PRKCA: variants seen among roughly 807,000 people sequenced by gnomAD.
PRKCA encodes the protein protein kinase C alpha, also known as protein kinase C alpha type.
A neutral mutation model predicts 87.0 loss-of-function variants in PRKCA; 27 were observed. The ratio of observed to expected loss-of-function variants is 0.31; its 90% CI spans 0.23 to 0.43. PRKCA has a LOEUF of 0.43. Ranked by LOEUF, PRKCA falls within the 20% of genes least tolerant of loss-of-function variation. The pLI is 1.00. For synonymous variants in PRKCA, 329 were observed against 311.1 expected, an observed-to-expected ratio of 1.06 and a Z score of -0.61; for missense variants, 518 against 852.3, an observed-to-expected ratio of 0.61 and a Z score of 4.88.
chr17:66,642,292 G>A (rs1211373507), intron 4 of PRKCA, among the ~76,000 whole-genome samples: 1 of 151,962 alleles, frequency 6.6e-6, no homozygotes, highest in Non-Finnish European at 1.5e-5. Context: ...ACCACACCCA[G>A]CTAATTTTTT....
At chr17:66,802,524 C>CAAA (rs923944049) in intron 16 of PRKCA, among the ~76,000 whole-genome samples, 1 of 132,700 alleles carries the variant, frequency 7.5e-6, no homozygotes, top group Non-Finnish European at 1.6e-5. Flanking sequence ...GACTCCATCT[C>CAAA]AAAAAAAAAA....
At chr17:66,341,034 C>CA (rs1354994973) in intron 2 of PRKCA, among the ~76,000 whole-genome samples, 2 of 152,146 alleles carry the variant, frequency 1.3e-5, no homozygotes, top group Non-Finnish European at 2.9e-5. Flanking sequence ...TCTGAAAAAT[C>CA]ACTTGCATGG....
chr17:66,653,838 A>G lies in PRKCA; in HGVS notation c.529+8327A>G, dbSNP rs539724481. ...AACCAACAAGCTTTATGATGCTCAC[A>G]TATGAGAAACTACTTCCTTTAGTTT... On this transcript the variant is annotated intron_variant, in intron 5 of 16. Coordinates refer to ENST00000413366, the MANE Select transcript of PRKCA (RefSeq NM_002737.3). Among the ~76,000 whole-genome samples, 4 of 151,106 alleles carry G rather than the reference A, an allele frequency of 2.6e-5. No homozygotes were observed. The East Asian group carries it at 5.8e-4, about 22-fold the overall frequency.
At chr17:66,430,286 G>A (rs1913035201) in intron 2 of PRKCA, among the ~76,000 whole-genome samples, 1 of 151,962 alleles carries the variant, frequency 6.6e-6, no homozygotes, top group African/African-American at 2.4e-5. Context: ...GGGGCAGAGT[G>A]TGGTGCCCAT....
intron 2 of PRKCA, among the ~76,000 whole-genome samples, chr17:66,384,825 TTTCAC>T (rs1909967717): frequency 6.6e-6 from 1 of 151,966 alleles, no homozygotes; most frequent in South Asian, 2.1e-4. Context: ...AGAGACGGGG[TTTCAC>T]TGTGTTAGCC....
At chr17:66,322,924 G>T (rs1179725333) in intron 2 of PRKCA, among the ~76,000 whole-genome samples, 2 of 152,174 alleles carry the variant, frequency 1.3e-5, no homozygotes, top group Non-Finnish European at 2.9e-5. Context: ...CCAAGGCTAA[G>T]TAGTAAAACT....
At position 66,559,974 on chromosome 17, in the gene PRKCA, C is replaced by T. The variant is rs975208983; in HGVS notation, c.288+63691C>T. Among the ~76,000 whole-genome samples, 21 of 152,314 alleles carry T rather than the reference C, an allele frequency of 1.4e-4. 1 individual carries two copies. In the South Asian group the frequency reaches 1.9e-3, roughly 14 times the overall value. ...TAAGCACTGAGCTGTGATCTGGCCC[C>T]AGGAGCCTGGAGCACATTGGTAGGT... On this transcript the variant is annotated intron_variant, in intron 3 of 16. Coordinates refer to ENST00000413366, the MANE Select transcript of PRKCA (RefSeq NM_002737.3).
chr17:66,441,690 G>GT (rs1461501941), intron 2 of PRKCA, among the ~76,000 whole-genome samples: 6 of 152,086 alleles, frequency 3.9e-5, no homozygotes, highest in Non-Finnish European at 5.9e-5. Flanking sequence ...CTGCTGTGCG[G>GT]TTTTTTCAAC....
chr17:66,724,835 A>G (rs904701020), intron 8 of PRKCA, among the ~76,000 whole-genome samples: 7 of 152,234 alleles, frequency 4.6e-5, no homozygotes, highest in Non-Finnish European at 8.8e-5. Flanking sequence ...AATTATAGTC[A>G]TGACAACTAG....
At chr17:66,727,812 A>C (rs973572661) in intron 8 of PRKCA, among the ~76,000 whole-genome samples, 1 of 152,102 alleles carries the variant, frequency 6.6e-6, no homozygotes, top group Non-Finnish European at 1.5e-5. Context: ...GGTGCTGGCC[A>C]AAGGTCTGGA....
chr17:66,715,071 C>G (rs922496242), intron 8 of PRKCA, among the ~76,000 whole-genome samples: 1 of 151,662 alleles, frequency 6.6e-6, no homozygotes, highest in Non-Finnish European at 1.5e-5. Context: ...AAAAATTTTC[C>G]GTTGAGTAGT....
chr17:66,638,094 T>G (rs1971191105), intron 3 of PRKCA, among the ~76,000 whole-genome samples: 1 of 151,260 alleles, frequency 6.6e-6, no homozygotes, highest in Admixed American at 6.6e-5. Context: ...AAATAGGTGG[T>G]GGACTTGTTT....
intron 8 of PRKCA, among the ~76,000 whole-genome samples, chr17:66,729,081 C>T (rs1465326500): frequency 6.6e-6 from 1 of 152,186 alleles, no homozygotes; most frequent in African/African-American, 2.4e-5. Flanking sequence ...TCGGTATTCT[C>T]ATCTCAAATT....
chr17:66,649,231 A>T (rs1187113752), intron 5 of PRKCA, among the ~76,000 whole-genome samples: 1 of 152,226 alleles, frequency 6.6e-6, no homozygotes, highest in Non-Finnish European at 1.5e-5. Context: ...TACTAAGCAG[A>T]GCCCCCTTGG....
intron 3 of PRKCA, among the ~76,000 whole-genome samples, chr17:66,509,163 CGTGTGTGTGTGTGTATGTGTGTGTGTGT>C (rs1057271074): frequency 7.2e-6 from 1 of 138,096 alleles, no homozygotes; most frequent in African/African-American, 2.6e-5. Flanking sequence ...AGAAAAGGAA[CGTGTGTGTGTGTGTATGTGTGTGTGTGT>C]GTGTGTGTGT....
intron 3 of PRKCA, among the ~76,000 whole-genome samples, chr17:66,602,891 C>G (rs991385259): frequency 3.9e-5 from 6 of 152,146 alleles, no homozygotes; most frequent in Non-Finnish European, 5.9e-5. Flanking sequence ...TTGGCCTCTC[C>G]TCTTCCGGGG....
intron 13 of PRKCA, among the ~76,000 whole-genome samples, chr17:66,758,925 A>G (rs1278304235): frequency 6.6e-6 from 1 of 152,204 alleles, no homozygotes; most frequent in South Asian, 2.1e-4. Context: ...ATAATAACAT[A>G]TTCTAGTGTG....
At chr17:66,605,256 A>C (rs2143606916) in intron 3 of PRKCA, among the ~76,000 whole-genome samples, 1 of 152,344 alleles carries the variant, frequency 6.6e-6, no homozygotes. Flanking sequence ...AGGACCAAGT[A>C]GTTTAGAATT....
chr17:66,437,719 C>CTTTTTTTT (rs1238640528), intron 2 of PRKCA, among the ~76,000 whole-genome samples: 2 of 132 alleles, frequency 0.015, no homozygotes, highest in Non-Finnish European at 0.067. Context: ...TTTCAAGTTT[C>CTTTTTTTT]CTTTTTTTTT....
Sources: allele counts gnomAD v4.1 joint callset (sites outside exome capture counted in the v4.1 genomes callset), GRCh38; gene constraint gnomAD v4.1.1; transcripts MANE v1.5; gene names NCBI Gene and HGNC (gene_info 2026-07-23, HGNC 2026-07-21).